The following TPX2 variants were observed in gnomAD, a reference collection of about 807,000 sequenced individuals.
The protein encoded by TPX2 is targeting protein for Xklp2.
Under a neutral mutation model 93.6 loss-of-function variants are expected in TPX2, and 21 were observed. The ratio of observed to expected loss-of-function variants is 0.22; its 90% CI spans 0.16 to 0.32. The LOEUF is 0.32. Ranked by LOEUF, TPX2 falls within the 10% of genes least tolerant of loss-of-function variation. The pLI is 1.00. For missense variants in TPX2, 776 were observed against 871.1 expected, an observed-to-expected ratio of 0.89 and a Z score of 1.37; for synonymous variants, 281 against 298.3, an observed-to-expected ratio of 0.94 and a Z score of 0.60.
chr20:31,741,552 C>T (rs916682912), intron 1 of TPX2, among the ~76,000 whole-genome samples: 1 of 151,654 alleles, frequency 6.6e-6, no homozygotes, highest in Non-Finnish European at 1.5e-5. Flanking sequence ...GCTCTCGGCT[C>T]ACTGCAACCT....
intron 10 of TPX2, among the ~76,000 whole-genome samples, chr20:31,779,583 G>A (rs2123050059): frequency 6.6e-6 from 1 of 152,292 alleles, no homozygotes; most frequent in Middle Eastern, 3.4e-3. Flanking sequence ...AGATAAACAG[G>A]TCACTACAAA....
At chr20:31,772,288 T>C (rs1413834422) in intron 7 of TPX2, among the ~76,000 whole-genome samples, 1 of 152,176 alleles carries the variant, frequency 6.6e-6, no homozygotes, top group Non-Finnish European at 1.5e-5. Context: ...CCCACAGTGC[T>C]GGGATTACAG....
At chr20:31,745,352 CAG>C (rs2061777375) in intron 2 of TPX2, among the ~76,000 whole-genome samples, 1 of 132,434 alleles carries the variant, frequency 7.6e-6, no homozygotes, top group African/African-American at 2.9e-5. Flanking sequence ...TTTTTGGAGA[CAG>C]AGTCTCACTC....
intron 17 of TPX2, among the ~76,000 whole-genome samples, chr20:31,799,986 C>T (rs1342705770): frequency 6.6e-6 from 1 of 151,684 alleles, no homozygotes; most frequent in African/African-American, 2.4e-5. Flanking sequence ...GCAGCTCACA[C>T]CTGTAATCCT....
intron 1 of TPX2, among the ~76,000 whole-genome samples, chr20:31,742,018 A>G (rs1261857710): frequency 3.9e-5 from 6 of 152,172 alleles, no homozygotes; most frequent in Non-Finnish European, 8.8e-5. Context: ...AAGGATAGAT[A>G]ACTGCGGAGG....
At chr20:31,777,925 TGCCACCACTCCCA>T (rs1252465957) in intron 9 of TPX2, among the ~76,000 whole-genome samples, 2 of 151,960 alleles carry the variant, frequency 1.3e-5, no homozygotes, top group Non-Finnish European at 2.9e-5. Context: ...TACAGGCGCC[TGCCACCACTCCCA>T]GCTAATTTTT....
chr20:31,764,737 G>A (rs1433885635), intron 4 of TPX2, among the ~76,000 whole-genome samples: 3 of 152,086 alleles, frequency 2.0e-5, no homozygotes, highest in African/African-American at 7.2e-5. Context: ...GTGCGTGTGA[G>A]TCTCTCTGCC....
chr20:31,800,747 G>A (rs1482278531), intron 17 of TPX2, among the ~76,000 whole-genome samples: 4 of 152,106 alleles, frequency 2.6e-5, no homozygotes, highest in Admixed American at 2.6e-4. Flanking sequence ...AGGAAAGCTG[G>A]GGGACCCAAT....
At position 31,741,546 on chromosome 20, in the gene TPX2, T is replaced by A. The variant is rs140487308; in HGVS notation, c.-177-995T>A. ...TAGGCTGGAGTGCAATGGTGCGCTC[T>A]CGGCTCACTGCAACCTCCGCCTCCT... On this transcript the variant is annotated intron_variant, in intron 1 of 17. Coordinates refer to ENST00000300403, the MANE Select transcript of TPX2 (RefSeq NM_012112.5). 4.4e-3 allele frequency among the ~76,000 whole-genome samples: 671 copies of A among 152,080 alleles called. 4 individuals are homozygous for A. The highest frequency in any genetic ancestry group is 0.017 in the Middle Eastern group (5 of 294).
rs372336580 is a variant in TPX2, at chr20:31,757,461, C to G, written c.-16C>G. On this transcript the variant is annotated 5_prime_UTR_variant, in exon 3 of 18. Transcript: ENST00000300403. ...ATACTGGGAAAAACCTGCTCTTCTG[C>G]GTTAAGTGGGAGACAATGTCACAAG... is the stretch of plus-strand genomic sequence containing the variant. 1 of 1,604,930 alleles carries G rather than the reference C, an allele frequency of 6.2e-7. No homozygotes were observed.
chr20:31,776,011 C>CTGA (rs1299563278), intron 8 of TPX2, 23 bp downstream of exon 8: 3 of 1,311,206 alleles, frequency 2.3e-6, no homozygotes, highest in Non-Finnish European at 3.0e-6. Flanking sequence ...GTGGTTGAGT[C>CTGA]TGATTCATGA....
At chr20:31,752,066 C>A (rs2122964336) in intron 2 of TPX2, among the ~76,000 whole-genome samples, 2 of 152,140 alleles carry the variant, frequency 1.3e-5, no homozygotes, top group South Asian at 4.1e-4. Context: ...TATAAGAAGT[C>A]TTTTTAGCAG....
Position 31,801,138 on chromosome 20 carries a change from C to G in TPX2, c.*58C>G, listed in dbSNP as rs6089072. 11 of 1,470,252 alleles carry G rather than the reference C, an allele frequency of 7.5e-6. No homozygotes were observed. The highest frequency in any genetic ancestry group is 1.4e-5 in the African/African-American group (1 of 72,008). 91.1% of individuals were successfully genotyped at this position (1,470,252 alleles called of 1,614,324 possible). On this transcript the variant is annotated 3_prime_UTR_variant, in exon 18 of 18. Coordinates refer to ENST00000300403, the MANE Select transcript of TPX2 (RefSeq NM_012112.5). The stretch of plus-strand genomic sequence containing the variant: ...ATGGGACCTGCTCTTAACCTCAAAC[C>G]TAGGACCGTCTTGCTTTGTCATTGG...
intron 4 of TPX2, among the ~76,000 whole-genome samples, chr20:31,763,287 C>G (rs992538271): frequency 6.6e-6 from 1 of 152,140 alleles, no homozygotes; most frequent in African/African-American, 2.4e-5. Context: ...TCAAGTGATT[C>G]TCCTGCCTCA....
chr20:31,756,688 A>G (rs2061854167), intron 2 of TPX2, among the ~76,000 whole-genome samples: 1 of 152,004 alleles, frequency 6.6e-6, no homozygotes, highest in Admixed American at 6.6e-5. Flanking sequence ...CAATGGCGCG[A>G]TCTCGACTCA....
intron 12 of TPX2, among the ~76,000 whole-genome samples, chr20:31,785,354 A>G (rs2123066046): frequency 6.6e-6 from 1 of 152,360 alleles, no homozygotes; most frequent in South Asian, 2.1e-4. Flanking sequence ...AGGGAAAAGT[A>G]GGTTATATGC....
intron 4 of TPX2, among the ~76,000 whole-genome samples, chr20:31,765,965 C>G (rs916200609): frequency 4.6e-5 from 7 of 152,140 alleles, no homozygotes; most frequent in African/African-American, 1.7e-4. Flanking sequence ...TTATAACTTT[C>G]TTCTGGATAT....
chr20:31,751,828 C>T (rs1182993061), intron 2 of TPX2, among the ~76,000 whole-genome samples: 6 of 152,130 alleles, frequency 3.9e-5, no homozygotes, highest in Admixed American at 2.0e-4. Flanking sequence ...CTGCAACCTT[C>T]GCCTCCTGGG....
intron 1 of TPX2, among the ~76,000 whole-genome samples, chr20:31,740,055 A>G (rs1268479860): frequency 6.6e-6 from 1 of 152,172 alleles, no homozygotes; most frequent in Non-Finnish European, 1.5e-5. Flanking sequence ...GAATCACCAG[A>G]TATTATTCCC....
Sources: gnomAD v4.1 joint callset for allele counts (sites outside exome capture counted in the v4.1 genomes callset) on GRCh38, gnomAD v4.1.1 for gene constraint, MANE v1.5 for transcripts, NCBI Gene and HGNC (gene_info 2026-07-23, HGNC 2026-07-21) for gene names.